The following ODAD2 variants were observed in gnomAD, a reference collection of about 807,000 sequenced individuals.
ODAD2 encodes the protein outer dynein arm docking complex subunit 2.
In ODAD2, 89 loss-of-function variants were observed where a neutral mutation model predicts 106.8. That is an observed-to-expected ratio of 0.83 (90% CI 0.70 to 0.99). The LOEUF (loss-of-function observed/expected upper bound fraction) is 0.99, where lower values mean the gene tolerates loss of function less well. Among genes scored for constraint, ODAD2 ranks in the 50% least tolerant of loss-of-function variants. The probability of loss-of-function intolerance (pLI) is 0.00; values close to 1 mark genes in which losing one functional copy is unlikely to be tolerated. For synonymous variants in ODAD2, 404 were observed against 436.2 expected (o/e 0.93, Z 0.92); for missense variants, 1,168 against 1,238.5 (o/e 0.94, Z 0.85).
intron 10 of ODAD2, among the ~76,000 whole-genome samples, chr10:27,947,162 G>A (rs1194339194): frequency 1.3e-5 from 2 of 152,138 alleles, no homozygotes; most frequent in African/African-American, 4.8e-5. Flanking sequence ...CGTACAGTTG[G>A]TTTTAAAATA....
At chr10:27,890,124 C>T (rs4749273) in intron 17 of ODAD2, among the ~76,000 whole-genome samples, 94,928 of 151,952 alleles carry the variant, frequency 0.62, 30,771 homozygotes, top group Middle Eastern at 0.72. Flanking sequence ...ATGAGGGAAC[C>T]GAAGATAGCA....
chr10:27,923,544 T>C (rs764287465), intron 16 of ODAD2, among the ~76,000 whole-genome samples: 1 of 152,134 alleles, frequency 6.6e-6, no homozygotes, highest in South Asian at 2.1e-4. Context: ...CATACAGCAG[T>C]TACAGCATAA....
Position 27,984,108 on chromosome 10 carries a change from T to G in ODAD2, c.682+76A>C, listed in dbSNP as rs139294349. On this transcript the variant is annotated intron_variant, in intron 5 of 19. Transcript: ENST00000305242. The stretch of plus-strand genomic sequence containing the variant: ...CCTTCTTAAACCTTCTCTTGTAATG[T>G]AGACATTGAAAGCATTTTGCAAATG... The G allele has an allele frequency of 5.8e-5, 86 of 1,486,726 alleles. No homozygotes were observed. In the African/African-American group the frequency reaches 1.1e-3, roughly 19 times the overall value. The allele number at this position is 1,486,726 out of a possible 1,614,324, so 92.1% of individuals were successfully genotyped here.
chr10:27,986,234 G>T (rs922160020), intron 3 of ODAD2, among the ~76,000 whole-genome samples: 1 of 152,110 alleles, frequency 6.6e-6, no homozygotes, highest in Non-Finnish European at 1.5e-5. Flanking sequence ...ATCACACAGA[G>T]ATTTACAAAA....
At chr10:27,847,853 C>G (rs1838899530) in intron 19 of ODAD2, among the ~76,000 whole-genome samples, 1 of 152,056 alleles carries the variant, frequency 6.6e-6, no homozygotes, top group South Asian at 2.1e-4. Context: ...ACCTAGGGAT[C>G]CAACTTACAA....
chr10:27,950,679 T>C (rs1470637244), intron 10 of ODAD2, among the ~76,000 whole-genome samples: 2 of 151,448 alleles, frequency 1.3e-5, no homozygotes, highest in Admixed American at 1.3e-4. Context: ...CTCCATCTCC[T>C]AGGCTCAAGA....
intron 12 of ODAD2, among the ~76,000 whole-genome samples, chr10:27,941,398 T>G (rs930736815): frequency 6.6e-6 from 1 of 151,234 alleles, no homozygotes; most frequent in African/African-American, 2.4e-5. Context: ...GGTGGGAGGA[T>G]TGTTTGGGCC....
chr10:27,915,655 T>G (rs1844313626), intron 16 of ODAD2, among the ~76,000 whole-genome samples: 1 of 151,920 alleles, frequency 6.6e-6, no homozygotes, highest in African/African-American at 2.4e-5. Context: ...AAGAAGACAA[T>G]AGAATGGCAT....
intron 10 of ODAD2, among the ~76,000 whole-genome samples, chr10:27,952,604 G>C (rs1425798229): frequency 6.6e-6 from 1 of 152,004 alleles, no homozygotes; most frequent in Non-Finnish European, 1.5e-5. Flanking sequence ...GTGTCCATGT[G>C]TTCTCATTGT....
intron 19 of ODAD2, among the ~76,000 whole-genome samples, chr10:27,820,992 C>G (rs1405746445): frequency 1.3e-5 from 2 of 152,032 alleles, no homozygotes; most frequent in African/African-American, 2.4e-5. Flanking sequence ...GTTGGTCAGG[C>G]TGGTTTCAAA....
At chr10:27,921,517 T>C (rs953270467) in intron 16 of ODAD2, among the ~76,000 whole-genome samples, 2 of 148,636 alleles carry the variant, frequency 1.3e-5, no homozygotes, top group African/African-American at 5.2e-5. Flanking sequence ...TGAATTCCAG[T>C]AATTAAAAAA....
intron 10 of ODAD2, chr10:27,957,568 G>T (rs973696600): frequency 2.6e-5 from 4 of 152,190 alleles, no homozygotes; most frequent in African/African-American, 9.7e-5. Context: ...TAGAATTAGG[G>T]TACAGCATCA....
intron 6 of ODAD2, among the ~76,000 whole-genome samples, 169 bp downstream of exon 6, chr10:27,983,674 A>G (rs901609753): frequency 6.6e-6 from 1 of 152,170 alleles, no homozygotes; most frequent in Non-Finnish European, 1.5e-5. Context: ...AAGAGAGCTA[A>G]TTCTGAAGCT....
chr10:27,913,599 C>CTAA (rs1844160431), intron 16 of ODAD2, among the ~76,000 whole-genome samples: 1 of 152,086 alleles, frequency 6.6e-6, no homozygotes, highest in African/African-American at 2.4e-5. Flanking sequence ...TGACAAAAGT[C>CTAA]TAATATCCAC....
chr10:27,938,738 T>C (rs549056661), intron 14 of ODAD2, among the ~76,000 whole-genome samples: 1 of 152,100 alleles, frequency 6.6e-6, no homozygotes, highest in African/African-American at 2.4e-5. Flanking sequence ...CAACTGGGAT[T>C]ACAGGCACAT....
At chr10:27,944,689 G>T in intron 11 of ODAD2, 127 bp downstream of exon 11, 1 of 1,172,370 alleles carries the variant, frequency 8.5e-7, no homozygotes, top group Non-Finnish European at 1.2e-6. Context: ...GAATCAGCAG[G>T]TCATCAGCAA....
chr10:27,875,724 G>A (rs1841286897), intron 17 of ODAD2, among the ~76,000 whole-genome samples: 1 of 152,180 alleles, frequency 6.6e-6, no homozygotes, highest in Non-Finnish European at 1.5e-5. Context: ...AGCCCACCGA[G>A]CATGAGCCAA....
intron 12 of ODAD2, among the ~76,000 whole-genome samples, chr10:27,941,657 T>C (rs11006779): frequency 0.47 from 67,892 of 145,164 alleles, 16,896 homozygotes; most frequent in Middle Eastern, 0.63. Flanking sequence ...GGAAAGGCAA[T>C]TTACTATAAG....
intron 19 of ODAD2, chr10:27,853,265 G>A (rs986749344): frequency 2.3e-5 from 5 of 216,730 alleles, no homozygotes; most frequent in East Asian, 3.0e-4. Flanking sequence ...TACTCAGGAG[G>A]CTGAGGCAGG....
Sources: gnomAD v4.1 joint callset for allele counts (sites outside exome capture counted in the v4.1 genomes callset) on GRCh38, gnomAD v4.1.1 for gene constraint, MANE v1.5 for transcripts, NCBI Gene and HGNC (gene_info 2026-07-23, HGNC 2026-07-21) for gene names.